GRAMD1B: variants seen among roughly 807,000 people sequenced by gnomAD.
The protein encoded by GRAMD1B is protein Aster-B.
Under a neutral mutation model 99.7 loss-of-function variants are expected in GRAMD1B, and 37 were observed. The observed-to-expected ratio is 0.37, with a 90% CI of 0.29 to 0.49. The LOEUF is 0.49. GRAMD1B is among the 20% of genes least tolerant of loss of function. GRAMD1B has a pLI of 0.98. For missense variants in GRAMD1B, 888 were observed against 1,009.2 expected (o/e 0.88, Z 1.63); for synonymous variants, 427 against 387.6 (o/e 1.10, Z -1.19).
chr11:123,557,003 G>A lies in GRAMD1B; in HGVS notation c.453-20364G>A, dbSNP rs1037611300. Among the ~76,000 whole-genome samples the A allele has an allele frequency of 5.3e-5, 8 of 152,310 alleles. No homozygotes were observed. The South Asian group carries it at 1.2e-3, about 24-fold the overall frequency. On this transcript the variant is annotated intron_variant, in intron 2 of 19. Coordinates refer to ENST00000635736, the MANE Select transcript of GRAMD1B (RefSeq NM_001387025.1). ...AATGTAATCGTTCAGAGTAGGACTC[G>A]GGTAAGGCAGATGGGGTTTCAGATA...
Position 123,510,528 on chromosome 11 carries a change from C to T in GRAMD1B, c.452+29635C>T, listed in dbSNP as rs1591759380. Among the ~76,000 whole-genome samples, 3 of 152,270 alleles carry T rather than the reference C, an allele frequency of 2.0e-5. No homozygotes were observed. The highest frequency in any genetic ancestry group is 6.5e-5 in the Admixed American group (1 of 15,300). Reference sequence around the variant, plus strand: ...TCTTACCCAGAAACTGAGGAAGTCCCAGGGGGCCAGAGAGTGGAAATAGGT... The same window carrying T: ...TCTTACCCAGAAACTGAGGAAGTCCTAGGGGGCCAGAGAGTGGAAATAGGT... On this transcript the variant is annotated intron_variant, in intron 2 of 19. Transcript: ENST00000635736. This position sits in a 1 kb window ranked among gnomAD's most constrained non-coding sequence, Gnocchi z 4.3.
At chr11:123,561,347 C>A (rs1266716101) in intron 2 of GRAMD1B, among the ~76,000 whole-genome samples, 6 of 152,160 alleles carry the variant, frequency 3.9e-5, no homozygotes, top group Non-Finnish European at 7.3e-5. Context: ...ACTGCTTATC[C>A]CACAGGGAGA....
At chr11:123,515,848 A>G (rs1435819511) in intron 2 of GRAMD1B, among the ~76,000 whole-genome samples, 4 of 151,836 alleles carry the variant, frequency 2.6e-5, no homozygotes, top group African/African-American at 9.7e-5. Flanking sequence ...GCTCATTGCA[A>G]CTTCCGCCTC....
chr11:123,420,738 A>T (rs750850177), intron 1 of GRAMD1B, among the ~76,000 whole-genome samples: 45 of 152,374 alleles, frequency 3.0e-4, no homozygotes, highest in Middle Eastern at 6.8e-3. Flanking sequence ...AAAAGAGAGC[A>T]ATAGTGAAGT....
intron 1 of GRAMD1B, among the ~76,000 whole-genome samples, chr11:123,364,049 C>T (rs534229528): frequency 1.3e-5 from 2 of 152,260 alleles, no homozygotes; most frequent in East Asian, 3.9e-4. Flanking sequence ...CTTCTCACTG[C>T]CATGCACGTG....
chr11:123,525,269 G>A (rs1278555514), intron 2 of GRAMD1B, among the ~76,000 whole-genome samples: 1 of 152,210 alleles, frequency 6.6e-6, no homozygotes, highest in East Asian at 1.9e-4. Context: ...CACTGCCTGG[G>A]AGCACGCAGC....
chr11:123,493,562 G>A (rs1938863308), intron 2 of GRAMD1B, among the ~76,000 whole-genome samples: 1 of 152,146 alleles, frequency 6.6e-6, no homozygotes, highest in Non-Finnish European at 1.5e-5. Flanking sequence ...TTGAGGGTGG[G>A]GTGAAAAGCC....
intron 1 of GRAMD1B, among the ~76,000 whole-genome samples, chr11:123,364,845 A>C (rs1475543465): frequency 6.6e-6 from 1 of 152,110 alleles, no homozygotes; most frequent in Non-Finnish European, 1.5e-5. Context: ...AGTTTTTCAA[A>C]AAAAAAATTT....
intron 2 of GRAMD1B, among the ~76,000 whole-genome samples, chr11:123,555,442 G>A (rs1946085848): frequency 6.6e-6 from 1 of 152,140 alleles, no homozygotes; most frequent in African/African-American, 2.4e-5. Flanking sequence ...TCTGCCTCCT[G>A]GGTTCAAGCA....
At chr11:123,580,990 C>G (rs12295337) in intron 3 of GRAMD1B, among the ~76,000 whole-genome samples, 10,068 of 148,358 alleles carry the variant, frequency 0.068, 599 homozygotes, top group African/African-American at 0.16. Context: ...TTTTTTATTT[C>G]TAACTCCTAC....
At chr11:123,500,185 G>A (rs1450941224) in intron 2 of GRAMD1B, among the ~76,000 whole-genome samples, 1 of 152,162 alleles carries the variant, frequency 6.6e-6, no homozygotes, top group Non-Finnish European at 1.5e-5. Flanking sequence ...GCTGGGCGTG[G>A]TTGTGCATGC....
chr11:123,560,560 CT>C (rs1946625511), intron 2 of GRAMD1B: 1 of 848,192 alleles, frequency 1.2e-6, no homozygotes. Context: ...AGGGCCCCCG[CT>C]CCCCGCCCCC....
chr11:123,523,982 A>T (rs1942443956), intron 2 of GRAMD1B, among the ~76,000 whole-genome samples: 1 of 152,214 alleles, frequency 6.6e-6, no homozygotes, highest in African/African-American at 2.4e-5. Context: ...ACCTTTCTGA[A>T]AACTCAGTAT....
intron 1 of GRAMD1B, among the ~76,000 whole-genome samples, chr11:123,474,245 C>CT (rs200143674): frequency 2.1e-5 from 3 of 145,526 alleles, no homozygotes; most frequent in Non-Finnish European, 3.0e-5. Context: ...GCAATGTTTT[C>CT]TTTTTTTTAA....
intron 1 of GRAMD1B, chr11:123,435,333 A>C (rs1949110863): frequency 1.5e-6 from 1 of 672,818 alleles, no homozygotes; most frequent in African/African-American, 1.8e-5. Context: ...TAAGTGGCTG[A>C]GAGGGCCATA....
At chr11:123,596,536 G>A (rs1028263356) in intron 7 of GRAMD1B, among the ~76,000 whole-genome samples, 21 of 152,276 alleles carry the variant, frequency 1.4e-4, no homozygotes, top group Non-Finnish European at 4.4e-5. Flanking sequence ...TAAAATTCAG[G>A]ACAGAACAAA....
intron 1 of GRAMD1B, among the ~76,000 whole-genome samples, chr11:123,393,373 C>T (rs566067623): frequency 9.8e-5 from 15 of 152,296 alleles, no homozygotes; most frequent in Non-Finnish European, 1.8e-4. Flanking sequence ...TTAATAACCA[C>T]GGTTTATTGC....
rs2136410246 is a variant in GRAMD1B, at chr11:123,587,431, A to C, written c.684+3099A>C. ...CAAGGGAGCTGCCCTAGTAGACATGAGATGGAGGGAAAAGCAGAAATAGGG... is the reference window on the plus strand; with the variant it reads ...CAAGGGAGCTGCCCTAGTAGACATGCGATGGAGGGAAAAGCAGAAATAGGG... On this transcript the variant is annotated intron_variant, in intron 4 of 19. Coordinates refer to ENST00000635736, the MANE Select transcript of GRAMD1B (RefSeq NM_001387025.1). This position sits in a 1 kb window ranked among gnomAD's most constrained non-coding sequence, Gnocchi z 4.2. Among the ~76,000 whole-genome samples, 1 of 152,300 alleles carries C rather than the reference A, an allele frequency of 6.6e-6. No individual in the cohort carries two copies. The highest frequency in any genetic ancestry group is 1.5e-5 in the Non-Finnish European group (1 of 68,026).
intron 2 of GRAMD1B, among the ~76,000 whole-genome samples, chr11:123,570,805 A>C (rs958492700): frequency 1.1e-4 from 17 of 152,192 alleles, no homozygotes; most frequent in Admixed American, 1.1e-3. Context: ...TACTTAGGTT[A>C]TTTCATTTAA....
Sources: allele counts gnomAD v4.1 joint callset (sites outside exome capture counted in the v4.1 genomes callset), GRCh38; gene constraint gnomAD v4.1.1; non-coding constraint Gnocchi (gnomAD v3.1); transcripts MANE v1.5; gene names NCBI Gene and HGNC (gene_info 2026-07-23, HGNC 2026-07-21).